VPS13B: variants seen among roughly 807,000 people sequenced by gnomAD.
The protein encoded by VPS13B is vacuolar protein sorting 13 homolog B, also known as intermembrane lipid transfer protein VPS13B.
Under a neutral mutation model 426.4 loss-of-function variants are expected in VPS13B, and 285 were observed. That is an observed-to-expected ratio of 0.67 (90% CI 0.61 to 0.74). The LOEUF (loss-of-function observed/expected upper bound fraction) is 0.74, where lower values mean the gene tolerates loss of function less well. VPS13B is among the 30% of genes least tolerant of loss of function. The probability of loss-of-function intolerance (pLI) is 0.00; values close to 1 mark genes in which losing one functional copy is unlikely to be tolerated. For missense variants in VPS13B, 4,537 were observed against 4,782.6 expected, an observed-to-expected ratio of 0.95 and a Z score of 1.51; for synonymous variants, 1,676 against 1,676.4, an observed-to-expected ratio of 1.00 and a Z score of 0.01.
At chr8:99,547,115 A>G (rs1210330473) in intron 30 of VPS13B, among the ~76,000 whole-genome samples, 1 of 152,044 alleles carries the variant, frequency 6.6e-6, no homozygotes, top group African/African-American at 2.4e-5. Flanking sequence ...TTGAGAATCA[A>G]TAGGGATGCT....
At position 99,130,734 on chromosome 8, in the gene VPS13B, C is replaced by T. The variant is rs143249635; in HGVS notation, c.1207-3898C>T. Among the ~76,000 whole-genome samples, 1,053 of 152,062 alleles carry T rather than the reference C, an allele frequency of 6.9e-3. 5 individuals carry two copies. Among genetic ancestry groups the T allele is most frequent in the Non-Finnish European group, 9.9e-3 (670 of 67,972 alleles). ...TTTTCTCTATAATAATTGTAGACAG[C>T]TGAAGAGGGATCAATTTAAAAAAAT... is the stretch of plus-strand genomic sequence containing the variant. On this transcript the variant is annotated intron_variant, in intron 8 of 61. Transcript: ENST00000357162.
intron 30 of VPS13B, chr8:99,536,762 C>G (rs1374410604): frequency 1.9e-6 from 1 of 531,580 alleles, no homozygotes; most frequent in Admixed American, 1.9e-5. Flanking sequence ...CATTAAAGTT[C>G]TGAATAGAAG....
At chr8:99,751,555 G>A (rs373723397) in intron 39 of VPS13B, among the ~76,000 whole-genome samples, 10 of 152,168 alleles carry the variant, frequency 6.6e-5, no homozygotes, top group Non-Finnish European at 1.0e-4. Context: ...TGTCTGCCTC[G>A]CTGATCGTTG....
chr8:99,567,797 C>T (rs1825259704), intron 31 of VPS13B, among the ~76,000 whole-genome samples: 1 of 152,126 alleles, frequency 6.6e-6, no homozygotes, highest in Admixed American at 6.5e-5. Context: ...TGAGAAACAA[C>T]ATTATGTATC....
chr8:99,635,653 C>T (rs953313347), intron 33 of VPS13B, among the ~76,000 whole-genome samples: 2 of 151,912 alleles, frequency 1.3e-5, no homozygotes, highest in African/African-American at 4.8e-5. Flanking sequence ...TTGGTTTCCA[C>T]AGGTTTTTCT....
At chr8:99,174,725 T>C (rs886092402) in intron 16 of VPS13B, among the ~76,000 whole-genome samples, 1 of 152,176 alleles carries the variant, frequency 6.6e-6, no homozygotes, top group Admixed American at 6.5e-5. Flanking sequence ...TATTGCAGGG[T>C]CCTGGCTGGA....
chr8:99,699,963 A>G (rs763161386), intron 36 of VPS13B, 31 bp downstream of exon 36: 1 of 1,607,094 alleles, frequency 6.2e-7, no homozygotes, highest in Admixed American at 1.7e-5. Flanking sequence ...GGGGGGAGAC[A>G]GAACAAGTAA....
At chr8:99,179,651 A>C (rs1812838107) in intron 16 of VPS13B, among the ~76,000 whole-genome samples, 1 of 152,182 alleles carries the variant, frequency 6.6e-6, no homozygotes, top group South Asian at 2.1e-4. Flanking sequence ...CTTTTCATAG[A>C]AGTGATTTTA....
chr8:99,510,857 A>G (rs1821755480), intron 28 of VPS13B, among the ~76,000 whole-genome samples: 1 of 152,138 alleles, frequency 6.6e-6, no homozygotes, highest in African/African-American at 2.4e-5. Flanking sequence ...AATAGCCACA[A>G]AAAGATTAAT....
intron 8 of VPS13B, among the ~76,000 whole-genome samples, chr8:99,133,784 G>A (rs932635461): frequency 6.6e-6 from 1 of 152,110 alleles, no homozygotes; most frequent in Non-Finnish European, 1.5e-5. Flanking sequence ...TCTTAAATGG[G>A]CATGTTCATG....
chr8:99,549,930 C>T (rs1471218942), intron 30 of VPS13B, among the ~76,000 whole-genome samples: 1 of 152,072 alleles, frequency 6.6e-6, no homozygotes, highest in Non-Finnish European at 1.5e-5. Context: ...CTTTCCTGGG[C>T]CTCCCAAGTC....
chr8:99,129,610 G>GA (rs959355961), intron 8 of VPS13B, among the ~76,000 whole-genome samples: 2 of 136,892 alleles, frequency 1.5e-5, no homozygotes, highest in Non-Finnish European at 3.2e-5. Flanking sequence ...TTTGTAAAAA[G>GA]AAAAAAAAGA....
chr8:99,423,981 G>C (rs183036587), intron 21 of VPS13B, among the ~76,000 whole-genome samples: 1 of 152,090 alleles, frequency 6.6e-6, no homozygotes, highest in Non-Finnish European at 1.5e-5. Context: ...TTTCTGTCTC[G>C]TTGATCTGTC....
intron 22 of VPS13B, among the ~76,000 whole-genome samples, chr8:99,439,389 T>G (rs184969972): frequency 6.6e-6 from 1 of 152,270 alleles, no homozygotes; most frequent in African/African-American, 2.4e-5. Flanking sequence ...TGTTTTAAGC[T>G]TTTTTAGGGC....
intron 17 of VPS13B, among the ~76,000 whole-genome samples, chr8:99,195,902 GT>G (rs1813891380): frequency 6.6e-6 from 1 of 152,022 alleles, no homozygotes. Context: ...ATTCTGTCTT[GT>G]TTTGTAGGTT....
At chr8:99,516,379 T>G (rs1164614380) in intron 29 of VPS13B, among the ~76,000 whole-genome samples, 2 of 152,168 alleles carry the variant, frequency 1.3e-5, no homozygotes, top group Non-Finnish European at 2.9e-5. Context: ...AGCAATTTCA[T>G]TAGAAATAAA....
chr8:99,780,012 A>C (rs1811933765), intron 42 of VPS13B, among the ~76,000 whole-genome samples: 1 of 152,198 alleles, frequency 6.6e-6, no homozygotes, highest in South Asian at 2.1e-4. Context: ...CTTTATATGC[A>C]TGAAGACCTA....
intron 33 of VPS13B, among the ~76,000 whole-genome samples, chr8:99,578,543 C>T (rs1341788901): frequency 6.6e-6 from 1 of 151,856 alleles, no homozygotes; most frequent in East Asian, 1.9e-4. Context: ...TCATCCTTTA[C>T]TAGCCATGAT....
chr8:99,107,240 C>T (rs1847096312), intron 5 of VPS13B, among the ~76,000 whole-genome samples: 1 of 152,088 alleles, frequency 6.6e-6, no homozygotes, highest in Non-Finnish European at 1.5e-5. Context: ...AGTGTATATT[C>T]TTGATACTTA....
Sources: allele counts gnomAD v4.1 joint callset (sites outside exome capture counted in the v4.1 genomes callset), GRCh38; gene constraint gnomAD v4.1.1; transcripts MANE v1.5; gene names NCBI Gene and HGNC (gene_info 2026-07-23, HGNC 2026-07-21).